TBC1D22A: variants seen among roughly 807,000 people sequenced by gnomAD.
The protein encoded by TBC1D22A is TBC1 domain family member 22A.
TBC1D22A carries 38 observed loss-of-function variants against 60.2 expected under a neutral mutation model. The observed-to-expected ratio is 0.63, with a 90% CI of 0.49 to 0.83. The LOEUF (loss-of-function observed/expected upper bound fraction) is 0.83, where lower values mean the gene tolerates loss of function less well. Among genes scored for constraint, TBC1D22A ranks in the 40% least tolerant of loss-of-function variants. The pLI is 0.00. For synonymous variants in TBC1D22A, 302 were observed against 281.7 expected (o/e 1.07, Z -0.72); for missense variants, 628 against 701.0 (o/e 0.90, Z 1.18).
intron 12 of TBC1D22A, among the ~76,000 whole-genome samples, chr22:47,138,309 C>T (rs1337131333): frequency 6.6e-6 from 1 of 152,198 alleles, no homozygotes; most frequent in African/African-American, 2.4e-5. Flanking sequence ...CACTTTCGGC[C>T]TCTGGGGGAC....
At chr22:47,112,399 GC>G (rs1161030430) in intron 12 of TBC1D22A, among the ~76,000 whole-genome samples, 1 of 152,204 alleles carries the variant, frequency 6.6e-6, no homozygotes, top group African/African-American at 2.4e-5. Context: ...ACACTTCACC[GC>G]TCTCCCTTCT....
intron 1 of TBC1D22A, 40 bp downstream of exon 1, chr22:46,762,888 A>G (rs2083148733): frequency 2.0e-6 from 3 of 1,468,522 alleles, no homozygotes; most frequent in Non-Finnish European, 2.7e-6. Context: ...GTCAGGGGTC[A>G]GAGGTCAGGT....
At chr22:46,783,545 C>T (rs941535933) in intron 1 of TBC1D22A, among the ~76,000 whole-genome samples, 2 of 152,226 alleles carry the variant, frequency 1.3e-5, no homozygotes, top group African/African-American at 2.4e-5. Flanking sequence ...CTGCTCCCTC[C>T]ACCCATTCTG....
chr22:46,915,188 T>G (rs2070268303), intron 8 of TBC1D22A: 1 of 352,200 alleles, frequency 2.8e-6, no homozygotes, highest in African/African-American at 2.1e-5. Flanking sequence ...TGAACATTCA[T>G]TCTGGCAGCT....
intron 7 of TBC1D22A, among the ~76,000 whole-genome samples, 156 bp from the exon 8 acceptor site, chr22:46,911,918 C>CAAA: frequency 1.5e-5 from 1 of 67,242 alleles, no homozygotes; most frequent in East Asian, 4.8e-4. Context: ...GACCCTGTCT[C>CAAA]AAAAAAAAAA....
chr22:46,781,797 C>T (rs2083950807), intron 1 of TBC1D22A, among the ~76,000 whole-genome samples: 2 of 152,178 alleles, frequency 1.3e-5, no homozygotes, highest in South Asian at 4.1e-4. Flanking sequence ...GTCTGTGACC[C>T]TTCATCAGTG....
intron 8 of TBC1D22A, among the ~76,000 whole-genome samples, chr22:46,967,967 A>G (rs1211335626): frequency 6.6e-6 from 1 of 152,144 alleles, no homozygotes. Context: ...CTACGATTCC[A>G]GTCCTCTACT....
intron 4 of TBC1D22A, among the ~76,000 whole-genome samples, chr22:46,803,610 G>T (rs73477368): frequency 0.015 from 2,256 of 152,310 alleles, 57 homozygotes; most frequent in African/African-American, 0.047. Context: ...GGTGGGGGGT[G>T]CTTACACTTG....
chr22:46,978,841 T>A (rs1413456139), intron 9 of TBC1D22A, among the ~76,000 whole-genome samples: 2 of 152,194 alleles, frequency 1.3e-5, no homozygotes, highest in African/African-American at 4.8e-5. Flanking sequence ...ACTCCTGACC[T>A]CAAGTGATCT....
intron 4 of TBC1D22A, among the ~76,000 whole-genome samples, chr22:46,843,930 G>A (rs911516803): frequency 2.0e-5 from 3 of 152,010 alleles, no homozygotes; most frequent in Admixed American, 6.6e-5. Flanking sequence ...GGCAGATGCC[G>A]TTGGCTGTGC....
intron 11 of TBC1D22A, among the ~76,000 whole-genome samples, chr22:47,045,552 G>A (rs971066959): frequency 2.6e-5 from 4 of 152,230 alleles, no homozygotes; most frequent in Non-Finnish European, 5.9e-5. Context: ...CTTAAGGAGA[G>A]ATTAAAGAGT....
intron 8 of TBC1D22A, among the ~76,000 whole-genome samples, chr22:46,917,731 A>T (rs531865068): frequency 1.3e-5 from 2 of 151,748 alleles, no homozygotes; most frequent in Non-Finnish European, 2.9e-5. Flanking sequence ...GCGGCTGTGG[A>T]TGTGTGTGTC....
intron 4 of TBC1D22A, among the ~76,000 whole-genome samples, chr22:46,815,105 G>GTGTT (rs1318762511): frequency 2.0e-5 from 3 of 152,236 alleles, no homozygotes; most frequent in East Asian, 3.9e-4. Context: ...TATTATTTGG[G>GTGTT]TGTTTAAGTT....
chr22:46,959,802 T>C (rs1381872343), intron 8 of TBC1D22A, among the ~76,000 whole-genome samples: 1 of 152,224 alleles, frequency 6.6e-6, no homozygotes, highest in African/African-American at 2.4e-5. Context: ...AGCCTGGACT[T>C]GGCTTTTCCA....
At chr22:47,099,402 A>G (rs539245216) in intron 11 of TBC1D22A, among the ~76,000 whole-genome samples, 7 of 151,674 alleles carry the variant, frequency 4.6e-5, no homozygotes, top group African/African-American at 1.7e-4. Flanking sequence ...AGCAGGGGCA[A>G]AGACAGTGAG....
intron 8 of TBC1D22A, 31 bp from the exon 9 acceptor site, chr22:46,974,259 C>G (rs1341578044): frequency 1.9e-6 from 3 of 1,556,336 alleles, no homozygotes; most frequent in Admixed American, 3.8e-5. Context: ...GGCTAAGTCT[C>G]CTTGTCTTTT....
chr22:46,937,466 G>A (rs1002697787), intron 8 of TBC1D22A, among the ~76,000 whole-genome samples: 7 of 152,130 alleles, frequency 4.6e-5, no homozygotes, highest in African/African-American at 1.4e-4. Flanking sequence ...CAAACCTACT[G>A]CACTGCCGGT....
intron 4 of TBC1D22A, among the ~76,000 whole-genome samples, chr22:46,813,317 G>T (rs917152757): frequency 2.0e-5 from 3 of 152,312 alleles, no homozygotes; most frequent in African/African-American, 7.2e-5. Flanking sequence ...ACATATTAAA[G>T]AATAAGATCT....
At chr22:46,767,587 G>A (rs1195705898) in intron 1 of TBC1D22A, among the ~76,000 whole-genome samples, 2 of 152,164 alleles carry the variant, frequency 1.3e-5, no homozygotes, top group African/African-American at 4.8e-5. Flanking sequence ...AAATAACATA[G>A]CTCAGTTAAA....
Sources: gnomAD v4.1 joint callset for allele counts (sites outside exome capture counted in the v4.1 genomes callset) on GRCh38, gnomAD v4.1.1 for gene constraint, MANE v1.5 for transcripts, NCBI Gene and HGNC (gene_info 2026-07-23, HGNC 2026-07-21) for gene names.